The following C8orf34 variants were observed in gnomAD, a reference collection of about 807,000 sequenced individuals.
The protein encoded by C8orf34 is chromosome 8 open reading frame 34, also known as uncharacterized protein C8orf34.
Under a neutral mutation model 68.3 loss-of-function variants are expected in C8orf34, and 65 were observed. That is an observed-to-expected ratio of 0.95 (90% CI 0.78 to 1.17). The LOEUF (loss-of-function observed/expected upper bound fraction) is 1.17, where lower values mean the gene tolerates loss of function less well. Ranked by LOEUF, C8orf34 falls within the 50% of genes most tolerant of loss-of-function variation. The probability of loss-of-function intolerance (pLI) is 0.00; values close to 1 mark genes in which losing one functional copy is unlikely to be tolerated. For missense variants in C8orf34, 664 were observed against 655.4 expected (o/e 1.01, Z -0.14); for synonymous variants, 244 against 241.2 (o/e 1.01, Z -0.11).
intron 9 of C8orf34, among the ~76,000 whole-genome samples, chr8:68,717,747 T>C (rs573521388): frequency 3.3e-5 from 5 of 152,224 alleles, no homozygotes; most frequent in African/African-American, 1.2e-4. Flanking sequence ...TTTTTATAAG[T>C]CAAATATTAG....
At chr8:68,792,321 C>A (rs1824021344) in intron 12 of C8orf34, 1 of 151,902 alleles carries the variant, frequency 6.6e-6, no homozygotes. Flanking sequence ...GTCTGTAATC[C>A]CAGCACTTTC....
intron 1 of C8orf34, among the ~76,000 whole-genome samples, chr8:68,399,817 A>G (rs1339286380): frequency 6.6e-6 from 1 of 152,138 alleles, no homozygotes; most frequent in Non-Finnish European, 1.5e-5. Context: ...CCTCACCAAC[A>G]TCTGTTATTT....
intron 8 of C8orf34, among the ~76,000 whole-genome samples, chr8:68,690,866 G>A (rs1345183067): frequency 6.6e-6 from 1 of 152,040 alleles, no homozygotes; most frequent in East Asian, 1.9e-4. Context: ...GGAGGCTAAA[G>A]AAAGATGAGT....
At chr8:68,380,508 G>T (rs1807987394) in intron 1 of C8orf34, among the ~76,000 whole-genome samples, 1 of 152,208 alleles carries the variant, frequency 6.6e-6, no homozygotes, top group Non-Finnish European at 1.5e-5. Flanking sequence ...TGCTTCCAAT[G>T]TAATACACTT....
At chr8:68,812,711 C>T (rs1824690221) in intron 12 of C8orf34, among the ~76,000 whole-genome samples, 1 of 152,000 alleles carries the variant, frequency 6.6e-6, no homozygotes, top group South Asian at 2.1e-4. Context: ...TTTTACTTAA[C>T]AAATATTTAT....
At chr8:68,381,759 A>AC (rs1554535978) in intron 1 of C8orf34, among the ~76,000 whole-genome samples, 1 of 150,876 alleles carries the variant, frequency 6.6e-6, no homozygotes, top group African/African-American at 2.4e-5. Context: ...AAAAAAAAAA[A>AC]AAATAGGTAT....
intron 1 of C8orf34, among the ~76,000 whole-genome samples, chr8:68,384,476 TAAATA>T (rs1808172854): frequency 6.6e-6 from 1 of 152,228 alleles, no homozygotes; most frequent in Non-Finnish European, 1.5e-5. Context: ...CTTTACTTGT[TAAATA>T]AAAGAAGACA....
chr8:68,353,304 A>G (rs1585969401), intron 1 of C8orf34, among the ~76,000 whole-genome samples: 1 of 152,054 alleles, frequency 6.6e-6, no homozygotes, highest in East Asian at 1.9e-4. Flanking sequence ...ATATATAATA[A>G]AAGTCTAAAT....
intron 4 of C8orf34, among the ~76,000 whole-genome samples, chr8:68,475,421 C>A (rs1812566681): frequency 6.6e-6 from 1 of 152,220 alleles, no homozygotes; most frequent in Admixed American, 6.5e-5. Flanking sequence ...AAGATTAGCA[C>A]ATAACTTGGT....
Position 68,663,074 on chromosome 8 carries a change from G to A in C8orf34, c.1241+22563G>A, listed in dbSNP as rs140914173. ...GGTCTCTCTCTTTTTCTTGCTCTCT[G>A]TACCAGAAAGAGAGGGATATGACTA... is the stretch of plus-strand genomic sequence containing the variant. On this transcript the variant is annotated intron_variant, in intron 8 of 13. Transcript: ENST00000518698. Among the ~76,000 whole-genome samples, 546 of 152,244 alleles carry A rather than the reference G, an allele frequency of 3.6e-3. 8 individuals are homozygous for A. Among genetic ancestry groups the A allele is most frequent in the East Asian group, 0.02 (102 of 5,186 alleles).
intron 1 of C8orf34, among the ~76,000 whole-genome samples, chr8:68,377,729 T>C (rs1807864160): frequency 6.6e-6 from 1 of 152,214 alleles, no homozygotes; most frequent in Admixed American, 6.5e-5. Context: ...GTGAGTATGC[T>C]AAAGCAGTTT....
At chr8:68,663,892 G>A (rs77200049) in intron 8 of C8orf34, among the ~76,000 whole-genome samples, 2,913 of 152,310 alleles carry the variant, frequency 0.019, 94 homozygotes, top group African/African-American at 0.063. Context: ...GAGACAAAGT[G>A]TTTGGGGCAA....
rs141475783 is a variant in C8orf34, at chr8:68,740,882, TG to T, written c.1404+19447del. ...AAGCAAATGTGGTACATATACACTA[TG>T]GAATACTATGCAGTCCTAAAGAAGA... On this transcript the variant is annotated intron_variant, in intron 10 of 13. Transcript: ENST00000518698. Among the ~76,000 whole-genome samples the T allele has an allele frequency of 5.7e-3, 871 of 152,352 alleles. 8 individuals carry two copies. The highest frequency in any genetic ancestry group is 0.02 in the African/African-American group (825 of 41,586).
chr8:68,591,685 C>T (rs1817392154), intron 7 of C8orf34, among the ~76,000 whole-genome samples: 3 of 152,162 alleles, frequency 2.0e-5, no homozygotes, highest in African/African-American at 7.2e-5. Context: ...TACTATTTCC[C>T]AAACACATGT....
intron 1 of C8orf34, among the ~76,000 whole-genome samples, chr8:68,359,004 A>C (rs1335281375): frequency 2.6e-5 from 4 of 152,044 alleles, no homozygotes; most frequent in Non-Finnish European, 4.4e-5. Context: ...TGGCCTATAT[A>C]TTTATTTTTT....
chr8:68,496,254 G>A (rs937264201), intron 5 of C8orf34, among the ~76,000 whole-genome samples: 4 of 152,256 alleles, frequency 2.6e-5, no homozygotes, highest in Admixed American at 2.0e-4. Context: ...TATCAAGCAC[G>A]TAGTGTGACA....
intron 9 of C8orf34, among the ~76,000 whole-genome samples, chr8:68,718,776 T>C (rs1202583523): frequency 6.6e-6 from 1 of 152,130 alleles, no homozygotes; most frequent in African/African-American, 2.4e-5. Context: ...AAACTACAGA[T>C]TTTTAGGTTC....
At chr8:68,437,193 A>C (rs147077911) in intron 1 of C8orf34, among the ~76,000 whole-genome samples, 11 of 152,344 alleles carry the variant, frequency 7.2e-5, no homozygotes, top group African/African-American at 2.6e-4. Context: ...TTTAAAACTT[A>C]ATAGTAATTA....
At chr8:68,410,565 G>A (rs184409244) in intron 1 of C8orf34, among the ~76,000 whole-genome samples, 11 of 152,142 alleles carry the variant, frequency 7.2e-5, no homozygotes, top group African/African-American at 2.4e-4. Context: ...AACCAATGCT[G>A]TGTGGATACT....
Sources: allele counts gnomAD v4.1 joint callset (sites outside exome capture counted in the v4.1 genomes callset), GRCh38; gene constraint gnomAD v4.1.1; transcripts MANE v1.5; gene names NCBI Gene and HGNC (gene_info 2026-07-23, HGNC 2026-07-21).